Variants in KCNH1 observed in about 807,000 individuals in gnomAD.
KCNH1 encodes the protein voltage-gated delayed rectifier potassium channel KCNH1.
In KCNH1, 27 loss-of-function variants were observed where a neutral mutation model predicts 69.2. That is an observed-to-expected ratio of 0.39 (90% confidence interval 0.29 to 0.54). The LOEUF is 0.54. KCNH1 is among the 20% of genes least tolerant of loss of function. KCNH1 has a pLI of 0.68. For synonymous variants in KCNH1, 456 were observed against 487.7 expected (o/e 0.93, Z 0.86); for missense variants, 798 against 1,261.6 (o/e 0.63, Z 5.57).
intron 10 of KCNH1, among the ~76,000 whole-genome samples, chr1:210,701,233 G>A (rs774805496): frequency 3.7e-4 from 57 of 152,108 alleles, no homozygotes; most frequent in Non-Finnish European, 6.6e-4. Context: ...CACCACACCC[G>A]GCCCTTTTTA....
At chr1:210,753,222 G>C (rs1013625516) in intron 10 of KCNH1, among the ~76,000 whole-genome samples, 1 of 152,144 alleles carries the variant, frequency 6.6e-6, no homozygotes, top group Admixed American at 6.5e-5. Context: ...CCAAGTGTGT[G>C]GGGGACATGG....
chr1:210,807,357 C>A (rs1457264194), intron 7 of KCNH1, among the ~76,000 whole-genome samples: 1 of 152,016 alleles, frequency 6.6e-6, no homozygotes, highest in Non-Finnish European at 1.5e-5. Flanking sequence ...GTAATCCCAG[C>A]ACTTTGGGAG....
chr1:211,093,251 T>G (rs1187303297), intron 3 of KCNH1, among the ~76,000 whole-genome samples: 2 of 152,102 alleles, frequency 1.3e-5, no homozygotes, highest in African/African-American at 4.8e-5. Context: ...TGGGAGGCCT[T>G]TTTCATTTGT....
At chr1:211,096,280 T>C (rs1691152287) in intron 3 of KCNH1, among the ~76,000 whole-genome samples, 1 of 152,132 alleles carries the variant, frequency 6.6e-6, no homozygotes, top group Admixed American at 6.5e-5. Flanking sequence ...GCCAAACTAG[T>C]CTTGAACTCC....
intron 10 of KCNH1, among the ~76,000 whole-genome samples, chr1:210,742,942 A>T (rs756537137): frequency 6.6e-6 from 1 of 152,202 alleles, no homozygotes; most frequent in Non-Finnish European, 1.5e-5. Context: ...CAATTGCATT[A>T]TTTATTGGTC....
intron 7 of KCNH1, among the ~76,000 whole-genome samples, chr1:210,886,619 T>C (rs1340464427): frequency 1.3e-5 from 2 of 152,008 alleles, no homozygotes; most frequent in East Asian, 3.9e-4. Context: ...GAGCATGTTC[T>C]AACCCAATGC....
At chr1:211,132,961 G>C (rs1490632622) in intron 1 of KCNH1, 1 of 152,190 alleles carries the variant, frequency 6.6e-6, no homozygotes, top group Non-Finnish European at 1.5e-5. Flanking sequence ...AAAGGCGTTT[G>C]GAATTCTTCC....
Position 211,133,786 on chromosome 1 carries a change from C to T in KCNH1, c.79+81G>A. On this transcript the variant is annotated intron_variant, in intron 1 of 10. Transcript: ENST00000271751. The surrounding 1 kb of genome is among the most constrained non-coding windows in gnomAD (Gnocchi z 5.4). ...GAGCTCGCGGGTTCTGCTGCATCTG[C>T]TGGCTCCGAGCGGCGAGAGGTTCTG... 1 of 1,341,416 alleles carries T rather than the reference C, an allele frequency of 7.5e-7. No individual in the cohort carries two copies. Among genetic ancestry groups the T allele is most frequent in the Non-Finnish European group, 1.1e-6 (1 of 944,180 alleles). 83.1% of individuals were successfully genotyped at this position (1,341,416 alleles called of 1,614,324 possible). A position where few individuals can be genotyped will look rare whatever the true frequency, so the allele number is the denominator to read the frequency against.
chr1:211,125,552 A>G (rs1276527582), intron 1 of KCNH1, among the ~76,000 whole-genome samples: 1 of 152,226 alleles, frequency 6.6e-6, no homozygotes, highest in African/African-American at 2.4e-5. Context: ...CACATTTTCC[A>G]ACTTCACTCT....
intron 7 of KCNH1, among the ~76,000 whole-genome samples, chr1:210,849,067 A>G (rs747209941): frequency 2.6e-5 from 4 of 152,106 alleles, no homozygotes; most frequent in Admixed American, 6.6e-5. Flanking sequence ...AAGGATATCA[A>G]CTCCTTCTTT....
chr1:210,983,207 C>A (rs1303907997), intron 6 of KCNH1, among the ~76,000 whole-genome samples: 1 of 152,012 alleles, frequency 6.6e-6, no homozygotes, highest in African/African-American at 2.4e-5. Context: ...AAATGTTCTC[C>A]CATTCTGTAG....
intron 7 of KCNH1, among the ~76,000 whole-genome samples, chr1:210,807,436 C>G (rs1051066878): frequency 1.3e-5 from 2 of 151,950 alleles, no homozygotes; most frequent in African/African-American, 4.8e-5. Flanking sequence ...AAAGCCCTGT[C>G]TCTACTAAAA....
chr1:210,888,775 C>T (rs1022871776), intron 7 of KCNH1, among the ~76,000 whole-genome samples: 8 of 152,294 alleles, frequency 5.3e-5, no homozygotes, highest in Middle Eastern at 3.4e-3. Context: ...ATACTATAAA[C>T]GCCTCTATGC....
At chr1:210,724,772 G>A (rs1682549465) in intron 10 of KCNH1, among the ~76,000 whole-genome samples, 2 of 152,098 alleles carry the variant, frequency 1.3e-5, no homozygotes, top group Admixed American at 6.6e-5. Flanking sequence ...AAGGGCACTC[G>A]TGGCCAATGT....
intron 7 of KCNH1, among the ~76,000 whole-genome samples, chr1:210,809,995 G>C (rs1684668325): frequency 6.6e-6 from 1 of 152,132 alleles, no homozygotes. Context: ...CAGCAACCTA[G>C]GAAGTTTCTT....
chr1:211,117,228 C>G (rs1691599468), intron 1 of KCNH1, among the ~76,000 whole-genome samples: 1 of 152,172 alleles, frequency 6.6e-6, no homozygotes, highest in Non-Finnish European at 1.5e-5. Flanking sequence ...GTCTCCTACT[C>G]TATGTTAGGT....
rs11445997 is a variant in KCNH1 at position 210,853,946 on chromosome 1, C to CAAAAAAAAAAAAAAAAAAA, written c.1463-49799_1463-49781dup. ...TAGCAGTAAAAGCATTTATCTAAGC[C>CAAAAAAAAAAAAAAAAAAA]AAAAAAAAAAAAAAAAAAAAAAGAA... On this transcript the variant is annotated intron_variant, in intron 7 of 10. Transcript: ENST00000271751. 8.6e-4 allele frequency among the ~76,000 whole-genome samples: 53 copies of CAAAAAAAAAAAAAAAAAAA among 61,526 alleles called. 4 individuals carry two copies. Among genetic ancestry groups the CAAAAAAAAAAAAAAAAAAA allele is most frequent in the African/African-American group, 1.3e-3 (17 of 13,474 alleles). 40.4% of individuals were successfully genotyped at this position (61,526 alleles called of 152,430 possible).
At chr1:211,076,245 A>G (rs940736974) in intron 5 of KCNH1, among the ~76,000 whole-genome samples, 3 of 152,210 alleles carry the variant, frequency 2.0e-5, no homozygotes, top group African/African-American at 7.2e-5. Flanking sequence ...CTCCCAGCAC[A>G]GTGTTTGACC....
intron 5 of KCNH1, among the ~76,000 whole-genome samples, chr1:211,052,307 C>T (rs894029293): frequency 4.6e-5 from 7 of 152,224 alleles, no homozygotes; most frequent in Admixed American, 4.6e-4. Context: ...ACTACCCAAG[C>T]TCATTTTCAA....
Sources: allele counts gnomAD v4.1 joint callset (sites outside exome capture counted in the v4.1 genomes callset), GRCh38; gene constraint gnomAD v4.1.1; non-coding constraint Gnocchi (gnomAD v3.1); transcripts MANE v1.5; gene names NCBI Gene and HGNC (gene_info 2026-07-23, HGNC 2026-07-21).